The following KIFC3 variants were observed in gnomAD, a reference collection of about 807,000 sequenced individuals.
KIFC3 encodes the protein kinesin-like protein KIFC3.
KIFC3 carries 60 observed loss-of-function variants against 101.8 expected under a neutral mutation model. That is an observed-to-expected ratio of 0.59 (90% CI 0.48 to 0.73). The LOEUF is 0.73. Among genes scored for constraint, KIFC3 ranks in the 30% least tolerant of loss-of-function variants. The pLI is 0.00. For missense variants in KIFC3, 966 were observed against 1,137.1 expected, an observed-to-expected ratio of 0.85 and a Z score of 2.16; for synonymous variants, 476 against 482.7, an observed-to-expected ratio of 0.99 and a Z score of 0.18.
chr16:57,839,407 G>T (rs999470), intron 1 of KIFC3, among the ~76,000 whole-genome samples: 19,582 of 152,020 alleles, frequency 0.13, 1,639 homozygotes, highest in Admixed American at 0.24. Context: ...AGGCATGGTG[G>T]TGCACACCTG....
At chr16:57,860,368 A>G (rs193338) in intron 1 of KIFC3, among the ~76,000 whole-genome samples, 141,932 of 152,286 alleles carry the variant, frequency 0.93, 66,219 homozygotes, top group African/African-American at 0.98. Context: ...CAGGAGAATC[A>G]CTTGAACTTG....
At chr16:57,804,905 ATTTTT>A (rs147019735), upstream of KIFC3, among the ~76,000 whole-genome samples, 2 of 133,960 alleles carry the variant, frequency 1.5e-5, no homozygotes, top group Non-Finnish European at 1.6e-5. Flanking sequence ...GCCTGACTCA[ATTTTT>A]TTTTTTTTTT....
chr16:57,761,602 G>GC, intron 13 of KIFC3, 66 bp from the exon 14 acceptor site: 2 of 1,563,636 alleles, frequency 1.3e-6, no homozygotes, highest in Non-Finnish European at 1.7e-6. Context: ...ACTGCACCCA[G>GC]CCCCCCAGCC....
At chr16:57,795,884 G>GTTTTTTTTT (rs797031930) in intron 2 of KIFC3, among the ~76,000 whole-genome samples, 13 of 58,784 alleles carry the variant, frequency 2.2e-4, no homozygotes, top group Non-Finnish European at 4.1e-4. Flanking sequence ...GGGCTTTTTT[G>GTTTTTTTTT]TTTTTTTTTT....
At chr16:57,830,878 C>G (rs1329299884) in intron 1 of KIFC3, among the ~76,000 whole-genome samples, 2 of 152,150 alleles carry the variant, frequency 1.3e-5, no homozygotes, top group African/African-American at 4.8e-5. Context: ...AGAGAAGCCA[C>G]CAAAGCCACA....
rs1348657233 is a variant in KIFC3 at position 57,760,196 on chromosome 16, C to A, written c.2367+86G>T. On this transcript the variant is annotated intron_variant, in intron 17 of 19. Coordinates refer to ENST00000445690, the MANE Select transcript of KIFC3 (RefSeq NM_001130100.2). ...CTTCCCTGCCCCCACTGCTTCAGGA[C>A]GTCCCCGCCCAGCTCCCTGCTCCTG... The A allele has an allele frequency of 2.0e-6, 3 of 1,478,064 alleles. No individual in the cohort carries two copies. In the African/African-American group the frequency reaches 4.2e-5, roughly 21 times the overall value. 91.6% of individuals were successfully genotyped at this position (1,478,064 alleles called of 1,614,324 possible). A position where few individuals can be genotyped will look rare whatever the true frequency, so the allele number is the denominator to read the frequency against.
intron 9 of KIFC3, among the ~76,000 whole-genome samples, chr16:57,768,883 T>C (rs1555605019): frequency 6.6e-6 from 1 of 152,158 alleles, no homozygotes; most frequent in African/African-American, 2.4e-5. Context: ...TAAGACTGTA[T>C]CGGCCAGTCA....
At chr16:57,795,612 C>T (rs1037714458) in intron 2 of KIFC3, among the ~76,000 whole-genome samples, 1 of 152,214 alleles carries the variant, frequency 6.6e-6, no homozygotes, top group African/African-American at 2.4e-5. Flanking sequence ...GTTGCCTCCC[C>T]AAGCGTATTC....
At chr16:57,760,222 C>A in intron 17 of KIFC3, 60 bp downstream of exon 17, 1 of 1,563,226 alleles carries the variant, frequency 6.4e-7, no homozygotes, top group Non-Finnish European at 8.7e-7. Context: ...CCTGCTCCTG[C>A]CATGACCCAA....
chr16:57,857,748 A>G (rs1328686679), intron 1 of KIFC3, among the ~76,000 whole-genome samples: 1 of 148,602 alleles, frequency 6.7e-6, no homozygotes, highest in African/African-American at 2.5e-5. Flanking sequence ...ATGGCTACAT[A>G]GTATTCCATG....
intron 1 of KIFC3, among the ~76,000 whole-genome samples, chr16:57,813,259 C>T (rs373066961): frequency 1.3e-5 from 2 of 151,972 alleles, no homozygotes; most frequent in Admixed American, 6.6e-5. Context: ...ACTCGGGATG[C>T]GGAGGTTGCA....
intron 1 of KIFC3, among the ~76,000 whole-genome samples, chr16:57,856,063 C>T (rs1287137271): frequency 6.6e-6 from 1 of 151,932 alleles, no homozygotes; most frequent in Admixed American, 6.6e-5. Flanking sequence ...GGGGCTCACA[C>T]CAGTAATCCC....
At chr16:57,808,053 C>T (rs142961068), upstream of KIFC3, 5 of 151,644 alleles carry the variant, frequency 3.3e-5, no homozygotes, top group African/African-American at 4.9e-5. Context: ...AGACTGAACT[C>T]GACAGTTCTC....
intron 1 of KIFC3, among the ~76,000 whole-genome samples, chr16:57,845,846 G>C (rs1393918203): frequency 1.3e-5 from 2 of 152,130 alleles, no homozygotes. Flanking sequence ...CCTCTGTGAG[G>C]GAGAGTCACC....
intron 13 of KIFC3, 40 bp downstream of exon 13, chr16:57,762,100 C>A (rs1555598314): frequency 6.5e-7 from 1 of 1,540,658 alleles, no homozygotes; most frequent in Non-Finnish European, 8.8e-7. Flanking sequence ...GACCCCAAAG[C>A]TGCCCCTGAG....
chr16:57,778,449 T>C (rs1555612920), intron 3 of KIFC3, among the ~76,000 whole-genome samples: 1 of 152,184 alleles, frequency 6.6e-6, no homozygotes, highest in African/African-American at 2.4e-5. Flanking sequence ...TCAGACTTTA[T>C]CAAAATTAAA....
At chr16:57,762,092 C>A in intron 13 of KIFC3, 48 bp downstream of exon 13, 1 of 1,531,820 alleles carries the variant, frequency 6.5e-7, no homozygotes, top group Non-Finnish European at 8.8e-7. Context: ...CCCCGGAGGA[C>A]CCCAAAGCTG....
At chr16:57,855,022 T>C (rs978625749) in intron 1 of KIFC3, among the ~76,000 whole-genome samples, 3 of 151,380 alleles carry the variant, frequency 2.0e-5, no homozygotes, top group Non-Finnish European at 2.9e-5. Flanking sequence ...GAGTTTGAGA[T>C]GAGCCTGGGC....
At chr16:57,785,467 G>A in intron 3 of KIFC3, 1 of 1,285,374 alleles carries the variant, frequency 7.8e-7, no homozygotes, top group Non-Finnish European at 1.0e-6. Context: ...CAGGTACCTG[G>A]TTCTGCAGCT....
Sources: gnomAD v4.1 joint callset for allele counts (sites outside exome capture counted in the v4.1 genomes callset) on GRCh38, gnomAD v4.1.1 for gene constraint, MANE v1.5 for transcripts, NCBI Gene and HGNC (gene_info 2026-07-23, HGNC 2026-07-21) for gene names.